Variants in CADPS observed in about 807,000 individuals in gnomAD.
CADPS encodes the protein calcium dependent secretion activator, also known as calcium-dependent secretion activator 1.
CADPS carries 57 observed loss-of-function variants against 167.3 expected under a neutral mutation model. That is an observed-to-expected ratio of 0.34 (90% CI 0.28 to 0.42). The LOEUF (loss-of-function observed/expected upper bound fraction) is 0.42, where lower values mean the gene tolerates loss of function less well. Ranked by LOEUF, CADPS falls within the 20% of genes least tolerant of loss-of-function variation. The probability of loss-of-function intolerance (pLI) is 1.00; values close to 1 mark genes in which losing one functional copy is unlikely to be tolerated. For missense variants in CADPS, 1,414 were observed against 1,738.1 expected, an observed-to-expected ratio of 0.81 and a Z score of 3.32; for synonymous variants, 676 against 635.3, an observed-to-expected ratio of 1.06 and a Z score of -0.96.
intron 3 of CADPS, among the ~76,000 whole-genome samples, chr3:62,727,976 T>C (rs1285640396): frequency 1.3e-5 from 2 of 151,870 alleles, no homozygotes; most frequent in African/African-American, 2.4e-5. Context: ...TTAGCTCTTA[T>C]CAGATTAGAA....
intron 3 of CADPS, among the ~76,000 whole-genome samples, chr3:62,697,581 C>T (rs941146148): frequency 7.2e-5 from 11 of 152,118 alleles, no homozygotes; most frequent in Admixed American, 6.5e-4. Flanking sequence ...GTGCAAGCGT[C>T]TTTTTTGTAT....
chr3:62,445,091 C>G (rs2056983557), intron 27 of CADPS, among the ~76,000 whole-genome samples: 1 of 152,182 alleles, frequency 6.6e-6, no homozygotes. Context: ...TGATTTATCA[C>G]AGGTAATCCC....
intron 1 of CADPS, among the ~76,000 whole-genome samples, chr3:62,772,325 C>T (rs144655381): frequency 0.023 from 3,464 of 152,264 alleles, 64 homozygotes; most frequent in South Asian, 0.061. Flanking sequence ...TTCCCAGTTT[C>T]GCTTGCTATT....
intron 26 of CADPS, among the ~76,000 whole-genome samples, chr3:62,456,458 A>G (rs2058688541): frequency 6.6e-6 from 1 of 152,216 alleles, no homozygotes. Flanking sequence ...CTGAGCCTGA[A>G]GCCTCCCCGT....
At chr3:62,460,594 G>A (rs552411023) in intron 26 of CADPS, among the ~76,000 whole-genome samples, 1 of 152,312 alleles carries the variant, frequency 6.6e-6, no homozygotes, top group Admixed American at 6.5e-5. Flanking sequence ...GAACAGAAGT[G>A]AATGTCATTG....
At chr3:62,566,310 G>A (rs1381281638) in intron 9 of CADPS, among the ~76,000 whole-genome samples, 1 of 152,220 alleles carries the variant, frequency 6.6e-6, no homozygotes, top group African/African-American at 2.4e-5. Flanking sequence ...GAGTTTCAAA[G>A]TAAGGGTTTG....
At chr3:62,628,776 G>A (rs1261001915) in intron 6 of CADPS, among the ~76,000 whole-genome samples, 3 of 151,792 alleles carry the variant, frequency 2.0e-5, no homozygotes, top group East Asian at 1.9e-4. Flanking sequence ...ACAGGTGCCC[G>A]CCACTACACC....
intron 3 of CADPS, among the ~76,000 whole-genome samples, chr3:62,740,099 G>T (rs2079877375): frequency 6.6e-6 from 1 of 152,220 alleles, no homozygotes; most frequent in African/African-American, 2.4e-5. Context: ...GACTGAGCAT[G>T]GCTGTAGGTT....
intron 1 of CADPS, among the ~76,000 whole-genome samples, chr3:62,857,837 T>G (rs2080001948): frequency 6.6e-6 from 1 of 152,112 alleles, no homozygotes; most frequent in Admixed American, 6.5e-5. Context: ...AATATTTTAA[T>G]GAATTCATTT....
chr3:62,717,850 T>G (rs1242878361), intron 3 of CADPS, among the ~76,000 whole-genome samples: 1 of 152,170 alleles, frequency 6.6e-6, no homozygotes, highest in Non-Finnish European at 1.5e-5. Context: ...CCCCATTAGA[T>G]CCTACTCACC....
intron 3 of CADPS, among the ~76,000 whole-genome samples, chr3:62,703,857 T>C (rs1036883996): frequency 6.6e-6 from 1 of 152,146 alleles, no homozygotes; most frequent in Non-Finnish European, 1.5e-5. Flanking sequence ...TAAAAAACAA[T>C]GTTCAATCCA....
chr3:62,794,853 G>T (rs893163995), intron 1 of CADPS, among the ~76,000 whole-genome samples: 2 of 148,170 alleles, frequency 1.3e-5, no homozygotes, highest in Non-Finnish European at 3.0e-5. Context: ...TCTAGGTAAA[G>T]AATTTTTAAA....
intron 1 of CADPS, among the ~76,000 whole-genome samples, chr3:62,817,173 A>G (rs1559760414): frequency 6.6e-6 from 1 of 152,094 alleles, no homozygotes; most frequent in Non-Finnish European, 1.5e-5. Context: ...GCCTTTGTAA[A>G]CATCACGATA....
chr3:62,522,899 C>G (rs1332531495), intron 13 of CADPS, among the ~76,000 whole-genome samples: 1 of 152,162 alleles, frequency 6.6e-6, no homozygotes. Context: ...GCTCTCCCAC[C>G]TGCGGGCCAT....
intron 24 of CADPS, chr3:62,466,704 G>C (rs576842412): frequency 2.5e-6 from 1 of 400,738 alleles, no homozygotes; most frequent in African/African-American, 2.0e-5. Flanking sequence ...ATGACTTAAT[G>C]ACCCAGCAGT....
chr3:62,467,681 C>A (rs2060103736), intron 24 of CADPS, among the ~76,000 whole-genome samples: 1 of 152,036 alleles, frequency 6.6e-6, no homozygotes, highest in Admixed American at 6.6e-5. Flanking sequence ...TCATCCTGGA[C>A]CAATGAGAAG....
At chr3:62,857,628 G>A (rs1577431031) in intron 1 of CADPS, among the ~76,000 whole-genome samples, 1 of 151,974 alleles carries the variant, frequency 6.6e-6, no homozygotes, top group African/African-American at 2.4e-5. Context: ...AGCAATATAT[G>A]TAGAAATATT....
chr3:62,756,654 G>C (rs1173882429), intron 2 of CADPS, among the ~76,000 whole-genome samples: 1 of 152,148 alleles, frequency 6.6e-6, no homozygotes, highest in Non-Finnish European at 1.5e-5. Flanking sequence ...CCTATAGCTA[G>C]GAATCTATTC....
chr3:62,859,092 A>G (rs1373139003), intron 1 of CADPS, among the ~76,000 whole-genome samples: 1 of 152,150 alleles, frequency 6.6e-6, no homozygotes, highest in African/African-American at 2.4e-5. Context: ...AAATGCACAG[A>G]GTTCTTGCTG....
Sources: allele counts gnomAD v4.1 joint callset (sites outside exome capture counted in the v4.1 genomes callset), GRCh38; gene constraint gnomAD v4.1.1; transcripts MANE v1.5; gene names NCBI Gene and HGNC (gene_info 2026-07-23, HGNC 2026-07-21).